The following CALCR variants were observed in gnomAD, a reference collection of about 807,000 sequenced individuals.
The protein encoded by CALCR is calcitonin receptor.
A neutral mutation model predicts 59.5 loss-of-function variants in CALCR; 47 were observed. The observed-to-expected ratio is 0.79, with a 90% confidence interval of 0.63 to 1.01. The LOEUF is 1.01. Ranked by LOEUF, CALCR falls within the 50% of genes least tolerant of loss-of-function variation. CALCR has a pLI of 0.00. For missense variants in CALCR, 566 were observed against 597.1 expected (o/e 0.95, Z 0.54); for synonymous variants, 213 against 211.3 (o/e 1.01, Z -0.07).
intron 2 of CALCR, among the ~76,000 whole-genome samples, chr7:93,519,694 C>T (rs1174967166): frequency 6.6e-6 from 1 of 151,836 alleles, no homozygotes; most frequent in Non-Finnish European, 1.5e-5. Flanking sequence ...ATTATTATCC[C>T]CAGGTTAAGG....
At chr7:93,488,037 C>A (rs1222831394) in intron 2 of CALCR, among the ~76,000 whole-genome samples, 1 of 151,634 alleles carries the variant, frequency 6.6e-6, no homozygotes. Flanking sequence ...AAAGCAAAGC[C>A]CTTCAGACTA....
intron 2 of CALCR, among the ~76,000 whole-genome samples, chr7:93,509,979 T>A (rs1477654859): frequency 1.3e-5 from 2 of 152,168 alleles, no homozygotes; most frequent in East Asian, 1.9e-4. Context: ...CTTTTAATAC[T>A]TTTTTAATTT....
At chr7:93,483,408 T>TATAGATAGATAGATAGATAG (rs71782849) in intron 3 of CALCR, among the ~76,000 whole-genome samples, 1 of 140,846 alleles carries the variant, frequency 7.1e-6, no homozygotes. Flanking sequence ...GGGCTGACTG[T>TATAGATAGATAGATAGATAG]ATAGATAGAT....
chr7:93,552,904 G>A (rs539063613), intron 2 of CALCR, among the ~76,000 whole-genome samples: 1 of 152,264 alleles, frequency 6.6e-6, no homozygotes, highest in East Asian at 1.9e-4. Context: ...CATATTCAGT[G>A]TAGCACATAT....
chr7:93,563,133 G>A (rs537138917), intron 2 of CALCR, among the ~76,000 whole-genome samples: 3 of 152,256 alleles, frequency 2.0e-5, no homozygotes, highest in South Asian at 4.1e-4. Flanking sequence ...AGTACACAGA[G>A]TGCCAAGGTA....
Position 93,426,442 on chromosome 7 carries a change from G to A in CALCR, c.1339C>T (p.Leu447=). Residue 447 remains leucine (L), a synonymous_variant, in exon 14 of 14, where the codon CTG becomes TTG. Coordinates refer to ENST00000426151, the MANE Select transcript of CALCR (RefSeq NM_001742.4). ...TGGTTGTTGGCTGGTTCATTCCTCA[G>A]CTCCTGATGGCAGATGTAAATTGGG... is the stretch of plus-strand genomic sequence containing the variant. ...DIPIYICHQE[L]RNEPANNQGE... 3 of 1,613,712 alleles carry A rather than the reference G, an allele frequency of 1.9e-6. No homozygotes were observed. In the South Asian group the frequency reaches 3.3e-5, roughly 18 times the overall value.
chr7:93,485,954 T>G (rs1045311867), intron 3 of CALCR, among the ~76,000 whole-genome samples: 3 of 151,658 alleles, frequency 2.0e-5, no homozygotes, highest in Non-Finnish European at 4.4e-5. Flanking sequence ...CAAATTAAAT[T>G]AACATTTATG....
intron 2 of CALCR, among the ~76,000 whole-genome samples, chr7:93,548,864 G>C (rs1460713509): frequency 3.6e-5 from 5 of 139,164 alleles, no homozygotes; most frequent in African/African-American, 1.2e-4. Flanking sequence ...GTGTGTGTGT[G>C]TGTGTGTGTG....
At chr7:93,481,276 T>A (rs1394511067) in intron 3 of CALCR, among the ~76,000 whole-genome samples, 1 of 151,736 alleles carries the variant, frequency 6.6e-6, no homozygotes, top group Non-Finnish European at 1.5e-5. Flanking sequence ...AAGGAGAATT[T>A]TTAGTAAAAT....
chr7:93,429,942 GT>G (rs372794402), intron 13 of CALCR, among the ~76,000 whole-genome samples: 1 of 92,516 alleles, frequency 1.1e-5, no homozygotes. Flanking sequence ...TTGTTTTTTT[GT>G]TTTTTTTTGA....
chr7:93,495,668 C>T (rs994989530), intron 2 of CALCR, among the ~76,000 whole-genome samples: 3 of 151,280 alleles, frequency 2.0e-5, no homozygotes, highest in Non-Finnish European at 3.0e-5. Context: ...TAATCTGGCT[C>T]CTTAGGGTAA....
chr7:93,494,444 T>G (rs1011252567), intron 2 of CALCR, among the ~76,000 whole-genome samples: 1 of 151,444 alleles, frequency 6.6e-6, no homozygotes, highest in African/African-American at 2.4e-5. Flanking sequence ...AAAAATAGTA[T>G]GAAAACAGAT....
chr7:93,534,588 A>C (rs999930459), intron 2 of CALCR, among the ~76,000 whole-genome samples: 4 of 151,824 alleles, frequency 2.6e-5, no homozygotes, highest in Non-Finnish European at 5.9e-5. Context: ...TACAATATCA[A>C]AAGAGGCCAT....
At chr7:93,426,623 A>T in intron 13 of CALCR, 34 bp from the exon 14 acceptor site, 1 of 1,082,624 alleles carries the variant, frequency 9.2e-7, no homozygotes. Context: ...TTTTTATATG[A>T]TAGTCAGAAA....
At chr7:93,486,272 C>T (rs1037033937) in intron 3 of CALCR, among the ~76,000 whole-genome samples, 3 of 151,570 alleles carry the variant, frequency 2.0e-5, no homozygotes, top group Non-Finnish European at 4.4e-5. Context: ...ACAATGTTGA[C>T]ACAAATAATA....
chr7:93,486,454 G>GA (rs1425960043), intron 3 of CALCR, among the ~76,000 whole-genome samples: 5 of 151,530 alleles, frequency 3.3e-5, no homozygotes, highest in African/African-American at 1.2e-4. Context: ...AGTTTTTGAT[G>GA]AAAAATACAT....
chr7:93,442,639 A>T (rs1169895336), intron 9 of CALCR, among the ~76,000 whole-genome samples: 1 of 152,100 alleles, frequency 6.6e-6, no homozygotes, highest in Admixed American at 6.6e-5. Context: ...CTCTCTTACC[A>T]GTACTTGTAG....
chr7:93,463,439 C>T (rs973316870), intron 7 of CALCR, among the ~76,000 whole-genome samples: 1 of 151,832 alleles, frequency 6.6e-6, no homozygotes, highest in African/African-American at 2.4e-5. Context: ...AATTTTTGCT[C>T]ATTGAGTTTT....
At chr7:93,468,047 T>A (rs1402515041) in intron 7 of CALCR, among the ~76,000 whole-genome samples, 2 of 151,584 alleles carry the variant, frequency 1.3e-5, no homozygotes, top group African/African-American at 2.4e-5. Context: ...TCACTAAAGT[T>A]GGTTGTGATG....
Sources: allele counts gnomAD v4.1 joint callset (sites outside exome capture counted in the v4.1 genomes callset), GRCh38; gene constraint gnomAD v4.1.1; transcripts MANE v1.5; gene names NCBI Gene and HGNC (gene_info 2026-07-23, HGNC 2026-07-21).